The following LCORL variants were observed in gnomAD, a reference collection of about 807,000 sequenced individuals.
The protein encoded by LCORL is ligand-dependent nuclear receptor corepressor-like protein.
In LCORL, 41 loss-of-function variants were observed where a neutral mutation model predicts 141.8. The ratio of observed to expected loss-of-function variants is 0.29; its 90% CI spans 0.23 to 0.38. The LOEUF (loss-of-function observed/expected upper bound fraction) is 0.38, where lower values mean the gene tolerates loss of function less well. Among genes scored for constraint, LCORL ranks in the 10% least tolerant of loss-of-function variants. The pLI, the probability that LCORL is intolerant of heterozygous loss-of-function variation, is 1.00. For synonymous variants in LCORL, 618 were observed against 694.1 expected (o/e 0.89, Z 1.72); for missense variants, 1,759 against 2,035.0 (o/e 0.86, Z 2.61).
At chr4:17,847,051 T>A (rs1723021087) in intron 7 of LCORL, among the ~76,000 whole-genome samples, 1 of 152,230 alleles carries the variant, frequency 6.6e-6, no homozygotes, top group Non-Finnish European at 1.5e-5. Flanking sequence ...AGAGTGCTAC[T>A]CTTCAGAATC....
At chr4:17,904,300 T>C (rs539913908) in intron 5 of LCORL, among the ~76,000 whole-genome samples, 1 of 152,234 alleles carries the variant, frequency 6.6e-6, no homozygotes, top group Non-Finnish European at 1.5e-5. Context: ...TTCTTATCAG[T>C]TGTCTGTCTC....
At chr4:17,998,981 A>AT (rs1455718544) in intron 1 of LCORL, among the ~76,000 whole-genome samples, 1 of 64,104 alleles carries the variant, frequency 1.6e-5, no homozygotes, top group Non-Finnish European at 3.4e-5. Context: ...AAAAAAAAAA[A>AT]AAAAATATAT....
At chr4:17,877,796 G>A (rs989157736) in exon 7 of LCORL, 1 of 1,230,432 alleles carries the variant, frequency 8.1e-7, no homozygotes, top group African/African-American at 1.6e-5. Flanking sequence ...GTCCAGAACA[G>A]CACCTGTGAG....
intron 3 of LCORL, 106 bp from the exon 4 acceptor site, chr4:17,962,138 G>A (rs1318219944): frequency 3.2e-6 from 2 of 626,936 alleles, no homozygotes; most frequent in East Asian, 3.1e-5. Flanking sequence ...CATTTGTTCT[G>A]CTCTTTAAAT....
chr4:17,902,027 T>C (rs367596433), intron 5 of LCORL, among the ~76,000 whole-genome samples: 125 of 152,116 alleles, frequency 8.2e-4, no homozygotes, highest in African/African-American at 2.8e-3. Context: ...ATAAGTAATA[T>C]GTACTTACAA....
chr4:17,916,238 T>C (rs1733383365), intron 4 of LCORL, among the ~76,000 whole-genome samples: 1 of 152,210 alleles, frequency 6.6e-6, no homozygotes, highest in African/African-American at 2.4e-5. Context: ...GTCAGGCAGA[T>C]GGATTTGAGA....
chr4:17,869,961 C>A (rs1397492107), intron 7 of LCORL, among the ~76,000 whole-genome samples: 2 of 152,068 alleles, frequency 1.3e-5, no homozygotes, highest in Non-Finnish European at 2.9e-5. Flanking sequence ...CAAATCTATT[C>A]TTTTCAATTA....
intron 4 of LCORL, among the ~76,000 whole-genome samples, chr4:17,913,619 G>A (rs1475844902): frequency 6.6e-6 from 1 of 152,178 alleles, no homozygotes; most frequent in Non-Finnish European, 1.5e-5. Context: ...GCAGAAAAAT[G>A]CCCAGGAAAG....
rs138800217 is a variant in LCORL, at chr4:17,919,629, A to G, written c.431-10284T>C. On this transcript the variant is annotated intron_variant, in intron 4 of 7. Transcript: ENST00000635767. ...TAGCACTATGTCTAAAGAAGTACCCATATCTGTGGTATAATGCTACATATT... is the reference window on the plus strand; with the variant it reads ...TAGCACTATGTCTAAAGAAGTACCCGTATCTGTGGTATAATGCTACATATT... Among the ~76,000 whole-genome samples, 87 of 152,304 alleles carry G rather than the reference A, an allele frequency of 5.7e-4. No individual in the cohort carries two copies. The East Asian group carries it at 9.6e-3, about 17-fold the overall frequency.
chr4:18,009,449 C>T (rs1410514922), intron 1 of LCORL, among the ~76,000 whole-genome samples: 2 of 152,014 alleles, frequency 1.3e-5, no homozygotes, highest in East Asian at 3.9e-4. Flanking sequence ...CAAGAATATC[C>T]TCCCTACCCT....
At chr4:17,972,103 A>G (rs1278688880) in intron 2 of LCORL, among the ~76,000 whole-genome samples, 1 of 151,856 alleles carries the variant, frequency 6.6e-6, no homozygotes, top group Admixed American at 6.6e-5. Flanking sequence ...GCCAGTGAAG[A>G]GACAAGTTTA....
chr4:17,933,508 T>C (rs1736381261), intron 4 of LCORL, among the ~76,000 whole-genome samples: 1 of 152,148 alleles, frequency 6.6e-6, no homozygotes, highest in East Asian at 1.9e-4. Context: ...TAAAATTGTA[T>C]TCCTAAGTTT....
At chr4:18,011,452 C>A (rs1284570210) in intron 1 of LCORL, among the ~76,000 whole-genome samples, 1 of 151,180 alleles carries the variant, frequency 6.6e-6, no homozygotes, top group Non-Finnish European at 1.5e-5. Context: ...AAAACAACTT[C>A]AAAGGCTTAC....
At chr4:17,993,591 A>G (rs906160650) in intron 1 of LCORL, among the ~76,000 whole-genome samples, 1 of 152,234 alleles carries the variant, frequency 6.6e-6, no homozygotes, top group African/African-American at 2.4e-5. Context: ...ACAATATAAA[A>G]GGCTGAAGAT....
chr4:17,923,552 A>G (rs373090206), intron 4 of LCORL, among the ~76,000 whole-genome samples: 88 of 152,280 alleles, frequency 5.8e-4, no homozygotes, highest in African/African-American at 2.0e-3. Context: ...AGGCTGAGAC[A>G]GGAGAATCGC....
intron 7 of LCORL, among the ~76,000 whole-genome samples, chr4:17,848,412 C>T (rs1381561442): frequency 6.6e-6 from 1 of 152,186 alleles, no homozygotes; most frequent in East Asian, 1.9e-4. Context: ...TGCAGTGGCA[C>T]CATCATGGCT....
chr4:17,904,700 C>T (rs1731351994), intron 5 of LCORL, among the ~76,000 whole-genome samples: 1 of 152,120 alleles, frequency 6.6e-6, no homozygotes, highest in African/African-American at 2.4e-5. Context: ...TAAGATTCCA[C>T]TAATGTTTGG....
intron 6 of LCORL, chr4:17,880,918 T>A (rs1727481489): frequency 1.0e-6 from 1 of 956,812 alleles, no homozygotes; most frequent in Admixed American, 6.2e-5. Context: ...TCAGTTTATA[T>A]TAACAAAATC....
intron 6 of LCORL, among the ~76,000 whole-genome samples, chr4:17,880,092 T>C (rs1226566090): frequency 2.6e-5 from 4 of 150,970 alleles, no homozygotes; most frequent in African/African-American, 9.7e-5. Context: ...AATAATGGAA[T>C]TTCAAAAATA....
Sources: allele counts gnomAD v4.1 joint callset (sites outside exome capture counted in the v4.1 genomes callset), GRCh38; gene constraint gnomAD v4.1.1; transcripts MANE v1.5; gene names NCBI Gene and HGNC (gene_info 2026-07-23, HGNC 2026-07-21).